The following N4BP2 variants were observed in gnomAD, a reference collection of about 807,000 sequenced individuals.
N4BP2 encodes the protein NEDD4 binding protein 2.
Under a neutral mutation model 152.8 loss-of-function variants are expected in N4BP2, and 91 were observed. The observed-to-expected ratio is 0.60, with a 90% confidence interval of 0.50 to 0.71. The LOEUF is 0.71. Among genes scored for constraint, N4BP2 ranks in the 30% least tolerant of loss-of-function variants. The pLI is 0.00. For missense variants in N4BP2, 1,923 were observed against 2,059.1 expected (o/e 0.93, Z 1.28); for synonymous variants, 646 against 705.3 (o/e 0.92, Z 1.33).
downstream of N4BP2, among the ~76,000 whole-genome samples, chr4:40,162,259 C>T (rs189535218): frequency 2.0e-3 from 301 of 152,170 alleles, no homozygotes; most frequent in African/African-American, 6.8e-3. Context: ...CCCAACACTT[C>T]TGGGGGCGAA....
Position 40,154,998 on chromosome 4 carries a change from G to A in N4BP2, c.*761G>A, listed in dbSNP as rs1009047675. ...GCTTCTAGAACTGTCTGTATAAGTC[G>A]TATTTCAGACAGTACTAAATACTTA... On this transcript the variant is annotated 3_prime_UTR_variant, in exon 18 of 18. Transcript: ENST00000261435. 3 of 152,150 alleles carry A rather than the reference G, an allele frequency of 2.0e-5. No individual in the cohort carries two copies. Among genetic ancestry groups the A allele is most frequent in the African/African-American group, 2.4e-5 (1 of 41,430 alleles). The allele number at this position is 152,150 out of a possible 1,614,324, so 9.4% of individuals were successfully genotyped here. A position where few individuals can be genotyped will look rare whatever the true frequency, so the allele number is the denominator to read the frequency against.
At chr4:40,180,278 G>A in the N4BP2 span, among the ~76,000 whole-genome samples, 5 of 152,262 alleles carry the variant, frequency 3.3e-5, no homozygotes, top group African/African-American at 1.2e-4. Flanking sequence ...TGCCATTTTA[G>A]AGGAGAAATA....
intron 13 of N4BP2, among the ~76,000 whole-genome samples, chr4:40,132,227 A>T (rs1156304531): frequency 6.6e-6 from 1 of 152,196 alleles, no homozygotes; most frequent in African/African-American, 2.4e-5. Context: ...AATATAAGTT[A>T]TGTAAACATG....
At chr4:40,075,136 G>T (rs896714971) in intron 2 of N4BP2, among the ~76,000 whole-genome samples, 2 of 152,030 alleles carry the variant, frequency 1.3e-5, no homozygotes, top group African/African-American at 2.4e-5. Context: ...CCATTTTGGC[G>T]TATATATCAT....
the N4BP2 span, among the ~76,000 whole-genome samples, chr4:40,179,876 T>C: frequency 6.6e-6 from 1 of 150,824 alleles, no homozygotes; most frequent in Non-Finnish European, 1.5e-5. Context: ...GCCATTCTCC[T>C]GCCTCTGCCT....
chr4:40,166,318 G>C, the N4BP2 span, among the ~76,000 whole-genome samples: 1 of 152,166 alleles, frequency 6.6e-6, no homozygotes, highest in South Asian at 2.1e-4. Flanking sequence ...AGAGGTAGGA[G>C]AATTAGATTT....
chr4:40,120,573 A>G lies in N4BP2; in HGVS notation c.2462A>G (p.Tyr821Cys). The G allele has an allele frequency of 6.2e-7, 1 of 1,614,104 alleles. No homozygotes were observed. Among genetic ancestry groups the G allele is most frequent in the Non-Finnish European group, 8.5e-7 (1 of 1,180,022 alleles). The change falls in exon 9 of 18, where the codon TAC (tyrosine) becomes TGC (cysteine). Residue 821 changes from tyrosine to cysteine, a missense_variant. Tyr to Cys is a radical substitution (Grantham distance 194). Coordinates refer to ENST00000261435, the MANE Select transcript of N4BP2 (RefSeq NM_018177.6). Reference protein sequence around the residue: ...SSVQSDKKYNYPQSHKLVNSV... With the variant: ...SSVQSDKKYNCPQSHKLVNSV... ...GTACAAAGCGACAAAAAGTATAATT[A>G]CCCTCAGTCACACAAATTAGTTAAC...
chr4:40,074,863 G>T (rs1002405164), intron 2 of N4BP2, among the ~76,000 whole-genome samples: 2 of 151,892 alleles, frequency 1.3e-5, no homozygotes, highest in Admixed American at 1.3e-4. Context: ...AAAAATTAGT[G>T]GGACATGTTG....
intron 2 of N4BP2, among the ~76,000 whole-genome samples, chr4:40,081,868 T>A (rs1343281302): frequency 1.3e-5 from 2 of 152,048 alleles, no homozygotes; most frequent in African/African-American, 4.8e-5. Flanking sequence ...ATCCCAGCAC[T>A]TTGAGAGGCC....
At chr4:40,189,528 G>C in the N4BP2 span, among the ~76,000 whole-genome samples, 1 of 152,296 alleles carries the variant, frequency 6.6e-6, no homozygotes, top group South Asian at 2.1e-4. This position sits in a 1 kb window ranked among gnomAD's most constrained non-coding sequence, Gnocchi z 4.3. Context: ...CATCAGCAAG[G>C]AGGAGCCAGG....
intron 2 of N4BP2, among the ~76,000 whole-genome samples, chr4:40,086,740 T>TA (rs528567991): frequency 6.6e-6 from 1 of 151,922 alleles, no homozygotes; most frequent in African/African-American, 2.4e-5. Flanking sequence ...TATATAGATT[T>TA]AAAAAAATTA....
chr4:40,106,794 A>C (rs1716341846), intron 4 of N4BP2, 106 bp from the exon 5 acceptor site: 2 of 1,100,782 alleles, frequency 1.8e-6, no homozygotes, highest in African/African-American at 3.2e-5. Context: ...AGTGATCCAC[A>C]AAATGATAGT....
At chr4:40,094,707 C>T (rs1714943486) in intron 2 of N4BP2, among the ~76,000 whole-genome samples, 1 of 151,274 alleles carries the variant, frequency 6.6e-6, no homozygotes, top group South Asian at 2.1e-4. Flanking sequence ...CATGCACCAT[C>T]TTGCCTGGCT....
intron 16 of N4BP2, among the ~76,000 whole-genome samples, chr4:40,145,688 TA>T (rs937089625): frequency 6.6e-6 from 1 of 152,196 alleles, no homozygotes; most frequent in African/African-American, 2.4e-5. Flanking sequence ...GATGAATTAA[TA>T]GTGTTTTACT....
chr4:40,161,637 C>T (rs376472660), downstream of N4BP2, among the ~76,000 whole-genome samples: 28 of 152,082 alleles, frequency 1.8e-4, no homozygotes, highest in East Asian at 3.1e-3. Context: ...GAAATATGTA[C>T]GTAAAATGAT....
chr4:40,067,740 C>T (rs537947065), intron 1 of N4BP2, among the ~76,000 whole-genome samples: 8 of 151,884 alleles, frequency 5.3e-5, no homozygotes, highest in African/African-American at 1.9e-4. Context: ...ACTCCGTCAC[C>T]CAGGGTGGAG....
the N4BP2 span, among the ~76,000 whole-genome samples, chr4:40,165,601 G>A: frequency 6.6e-6 from 1 of 152,110 alleles, no homozygotes; most frequent in South Asian, 2.1e-4. Context: ...TGATCCATTA[G>A]TGTGTTTTTT....
At chr4:40,133,778 A>G (rs1235361827) in intron 13 of N4BP2, among the ~76,000 whole-genome samples, 1 of 152,142 alleles carries the variant, frequency 6.6e-6, no homozygotes, top group African/African-American at 2.4e-5. Context: ...CAAGTGTTTC[A>G]GATGAGGAGT....
At chr4:40,136,838 C>T in intron 13 of N4BP2, 106 bp from the exon 14 acceptor site, 2 of 786,942 alleles carry the variant, frequency 2.5e-6, no homozygotes, top group Non-Finnish European at 3.9e-6. Context: ...TAAAAGTAAG[C>T]CAGTTTTTCA....
Sources: allele counts gnomAD v4.1 joint callset (sites outside exome capture counted in the v4.1 genomes callset), GRCh38; gene constraint gnomAD v4.1.1; non-coding constraint Gnocchi (gnomAD v3.1); transcripts MANE v1.5; gene names NCBI Gene and HGNC (gene_info 2026-07-23, HGNC 2026-07-21).